TMEM272: variants seen among roughly 807,000 people sequenced by gnomAD.
TMEM272 encodes transmembrane protein 272, also known as long intergenic non-protein coding RNA 282.
TMEM272 carries 8 observed loss-of-function variants against 3.7 expected under a neutral mutation model. The ratio of observed to expected loss-of-function variants is 2.17; its 90% CI spans 1.27 to 3.91. TMEM272 has a LOEUF of 3.91. TMEM272 is among the 30% of genes most tolerant of loss of function. The probability of loss-of-function intolerance (pLI) is 0.00; values close to 1 mark genes in which losing one functional copy is unlikely to be tolerated. For synonymous variants in TMEM272, 63 were observed against 39.8 expected, an observed-to-expected ratio of 1.58 and a Z score of -2.20; for missense variants, 166 against 91.5, an observed-to-expected ratio of 1.81 and a Z score of -3.32.
chr13:51,828,314 C>T (rs1593593751), intron 2 of TMEM272, among the ~76,000 whole-genome samples: 1 of 152,312 alleles, frequency 6.6e-6, no homozygotes, highest in African/African-American at 2.4e-5. Flanking sequence ...AATCTGTCTT[C>T]TCTAGAGAAG....
chr13:51,859,902 T>G, the TMEM272 span, among the ~76,000 whole-genome samples: 8 of 151,844 alleles, frequency 5.3e-5, no homozygotes, highest in African/African-American at 1.5e-4. Flanking sequence ...CTATTTTTTT[T>G]TTTGTTTTGA....
chr13:51,909,263 A>G, the TMEM272 span: 1 of 1,068,298 alleles, frequency 9.4e-7, no homozygotes, highest in African/African-American at 1.6e-5. Context: ...CTTTTTTCTC[A>G]TGGTATATAA....
chr13:51,889,653 T>C, the TMEM272 span, among the ~76,000 whole-genome samples: 1 of 152,052 alleles, frequency 6.6e-6, no homozygotes. Context: ...TTTTGTTTGT[T>C]TTTTTGAGAT....
intron 4 of TMEM272, among the ~76,000 whole-genome samples, chr13:51,821,272 G>A (rs1441181107): frequency 6.6e-6 from 1 of 152,186 alleles, no homozygotes; most frequent in Non-Finnish European, 1.5e-5. Context: ...AGAAAGTGGT[G>A]AGGTGGGCTT....
At chr13:51,869,132 G>C in the TMEM272 span, among the ~76,000 whole-genome samples, 1 of 152,182 alleles carries the variant, frequency 6.6e-6, no homozygotes, top group Admixed American at 6.5e-5. Context: ...CATCCCACTG[G>C]CTGTCTAGTT....
chr13:51,824,819 G>A (rs1956109668), intron 3 of TMEM272, among the ~76,000 whole-genome samples: 2 of 152,210 alleles, frequency 1.3e-5, no homozygotes, highest in Non-Finnish European at 1.5e-5. Context: ...CAGGCATGGT[G>A]GTGGGCGCCT....
At chr13:51,850,813 T>G in the TMEM272 span, among the ~76,000 whole-genome samples, 14 of 152,378 alleles carry the variant, frequency 9.2e-5, no homozygotes, top group East Asian at 2.7e-3. Context: ...TTAACGTATT[T>G]ATATGCTTTG....
At chr13:51,908,346 T>G in the TMEM272 span, 4 of 1,461,192 alleles carry the variant, frequency 2.7e-6, no homozygotes, top group African/African-American at 2.8e-5. Flanking sequence ...TGGGGGAAGG[T>G]AAGGAGGAAA....
chr13:51,930,127 T>TCC, the TMEM272 span, among the ~76,000 whole-genome samples: 120 of 149,800 alleles, frequency 8.0e-4, no homozygotes, highest in Middle Eastern at 3.4e-3. Context: ...GTATTTGCCT[T>TCC]CCCCCCCCCC....
chr13:51,861,671 A>G, the TMEM272 span, among the ~76,000 whole-genome samples: 1 of 152,208 alleles, frequency 6.6e-6, no homozygotes, highest in Non-Finnish European at 1.5e-5. Context: ...GACAGAGAAA[A>G]TGGATGAAAG....
the TMEM272 span, among the ~76,000 whole-genome samples, chr13:51,924,223 C>T: frequency 6.6e-6 from 1 of 152,056 alleles, no homozygotes; most frequent in Non-Finnish European, 1.5e-5. Context: ...TTTGGACTCT[C>T]CTCCCCCACT....
At chr13:51,821,548 A>T (rs925295088) in intron 4 of TMEM272, among the ~76,000 whole-genome samples, 1 of 152,098 alleles carries the variant, frequency 6.6e-6, no homozygotes, top group Non-Finnish European at 1.5e-5. Flanking sequence ...CAGCCAATTA[A>T]TCCTATGTTA....
At chr13:51,888,633 CTTTTTCTTTTTTTTTTTTTTT>C in the TMEM272 span, among the ~76,000 whole-genome samples, 1 of 120,114 alleles carries the variant, frequency 8.3e-6, no homozygotes, top group Non-Finnish European at 1.7e-5. Context: ...TTTCTTTTTT[CTTTTTCTTTTTTTTTTTTTTT>C]TTTTTTTTTG....
the TMEM272 span, among the ~76,000 whole-genome samples, chr13:51,853,513 T>C: frequency 2.0e-5 from 3 of 152,050 alleles, no homozygotes; most frequent in African/African-American, 4.8e-5. Flanking sequence ...ATTGAGTAGG[T>C]TGAGAAGGAA....
chr13:51,886,128 A>C, the TMEM272 span, among the ~76,000 whole-genome samples: 2 of 152,276 alleles, frequency 1.3e-5, no homozygotes, highest in East Asian at 3.9e-4. Flanking sequence ...TTTTACCCTC[A>C]AGGTAATGGT....
chr13:51,864,409 T>C, the TMEM272 span, among the ~76,000 whole-genome samples: 1 of 152,344 alleles, frequency 6.6e-6, no homozygotes, highest in Admixed American at 6.5e-5. Context: ...TCCTTGCTTT[T>C]CTCTTTCTGT....
chr13:51,908,501 G>A, the TMEM272 span: 12 of 1,503,522 alleles, frequency 8.0e-6, no homozygotes, highest in Non-Finnish European at 1.0e-5. Flanking sequence ...TCATGAACGG[G>A]CCCCTCGTAT....
the TMEM272 span, chr13:51,921,314 C>A: frequency 4.6e-5 from 7 of 152,190 alleles, no homozygotes; most frequent in Non-Finnish European, 1.0e-4. Flanking sequence ...AACTGCTATT[C>A]CAGTCTCTAA....
intron 4 of TMEM272, among the ~76,000 whole-genome samples, chr13:51,818,167 G>T (rs1956050345): frequency 6.6e-6 from 1 of 152,164 alleles, no homozygotes; most frequent in African/African-American, 2.4e-5. Flanking sequence ...AGAATCCTTG[G>T]ATGACGGAGG....
Sources: gnomAD v4.1 joint callset for allele counts (sites outside exome capture counted in the v4.1 genomes callset) on GRCh38, gnomAD v4.1.1 for gene constraint, MANE v1.5 for transcripts, NCBI Gene and HGNC (gene_info 2026-07-23, HGNC 2026-07-21) for gene names.